Variants in PARD3B observed in about 807,000 individuals in gnomAD.
PARD3B encodes the protein par-3 family cell polarity regulator beta.
In PARD3B, 103 loss-of-function variants were observed where a neutral mutation model predicts 130.2. That is an observed-to-expected ratio of 0.79 (90% CI 0.67 to 0.93). The LOEUF (loss-of-function observed/expected upper bound fraction) is 0.93. Ranked by LOEUF, PARD3B falls within the 40% of genes least tolerant of loss-of-function variation. The probability of loss-of-function intolerance (pLI) is 0.00; values close to 1 mark genes in which losing one functional copy is unlikely to be tolerated. For synonymous variants in PARD3B, 583 were observed against 553.2 expected (o/e 1.05, Z -0.76); for missense variants, 1,609 against 1,499.2 (o/e 1.07, Z -1.21).
At chr2:205,062,160 T>G (rs1700100180) in intron 4 of PARD3B, among the ~76,000 whole-genome samples, 1 of 152,088 alleles carries the variant, frequency 6.6e-6, no homozygotes, top group Non-Finnish European at 1.5e-5. Flanking sequence ...TTTCTATCCC[T>G]TTTCTGAAAC....
At chr2:204,966,658 T>G (rs1411386973) in intron 3 of PARD3B, among the ~76,000 whole-genome samples, 3 of 152,222 alleles carry the variant, frequency 2.0e-5, no homozygotes, top group African/African-American at 7.2e-5. Context: ...CTCTCTCTTA[T>G]GAGCTTTGTC....
chr2:205,404,288 A>C (rs1316561240), intron 19 of PARD3B, among the ~76,000 whole-genome samples: 2 of 152,232 alleles, frequency 1.3e-5, no homozygotes, highest in Non-Finnish European at 2.9e-5. Flanking sequence ...AAATGAAGTG[A>C]TGTGTAGGCA....
At chr2:204,953,439 A>AT (rs1689971289) in intron 2 of PARD3B, among the ~76,000 whole-genome samples, 1 of 150,458 alleles carries the variant, frequency 6.6e-6, no homozygotes, top group South Asian at 2.1e-4. Flanking sequence ...AGAGAGAGAG[A>AT]GAGAGAGAGA....
chr2:204,996,956 A>G (rs1022225838), intron 3 of PARD3B, among the ~76,000 whole-genome samples: 2 of 151,984 alleles, frequency 1.3e-5, no homozygotes, highest in Admixed American at 6.5e-5. Flanking sequence ...TGGTGCGCGC[A>G]CACACTGGCC....
At chr2:204,684,115 C>T (rs1040608416) in intron 1 of PARD3B, among the ~76,000 whole-genome samples, 1 of 152,090 alleles carries the variant, frequency 6.6e-6, no homozygotes, top group African/African-American at 2.4e-5. Context: ...GTTTTCTTCT[C>T]TCTGTGTTTC....
intron 10 of PARD3B, among the ~76,000 whole-genome samples, chr2:205,145,838 A>AC (rs1405587005): frequency 4.0e-5 from 6 of 151,722 alleles, no homozygotes; most frequent in Non-Finnish European, 8.8e-5. Flanking sequence ...AAAAAAAAAA[A>AC]AACACCTTTT....
intron 2 of PARD3B, among the ~76,000 whole-genome samples, chr2:204,739,104 A>G (rs962818312): frequency 5.3e-5 from 8 of 152,194 alleles, no homozygotes; most frequent in African/African-American, 1.4e-4. Flanking sequence ...TGGCATGTGT[A>G]TGTTAGTTCT....
intron 3 of PARD3B, among the ~76,000 whole-genome samples, chr2:204,966,924 C>T (rs1322364813): frequency 6.6e-6 from 1 of 152,056 alleles, no homozygotes; most frequent in Admixed American, 6.6e-5. Flanking sequence ...TTATTTTTAT[C>T]GTTTAAGAGT....
At chr2:204,620,471 C>CA (rs2034260413) in intron 1 of PARD3B, among the ~76,000 whole-genome samples, 2 of 152,298 alleles carry the variant, frequency 1.3e-5, no homozygotes, top group South Asian at 4.1e-4. Flanking sequence ...AAGTAAGTCG[C>CA]AGCACTGTAC....
At chr2:204,806,108 A>G (rs2042760183) in intron 2 of PARD3B, among the ~76,000 whole-genome samples, 1 of 152,088 alleles carries the variant, frequency 6.6e-6, no homozygotes, top group South Asian at 2.1e-4. Context: ...AGTGCTCATG[A>G]CATTCTTCAA....
Position 205,258,861 on chromosome 2 carries a change from T to C in PARD3B, c.2185+13039T>C, listed in dbSNP as rs75378818. ...TAGATTTATGTTTTATTTTCAGTTT[T>C]AAATTTGGACTACTTTTTAATGACC... On this transcript the variant is annotated intron_variant, in intron 16 of 22. Transcript: ENST00000406610. The surrounding 1 kb of genome is among the most constrained non-coding windows in gnomAD (Gnocchi z 4.9). 2.8e-4 allele frequency among the ~76,000 whole-genome samples: 43 copies of C among 152,344 alleles called. No individual in the cohort carries two copies. In the East Asian group the frequency reaches 7.1e-3, roughly 25 times the overall value.
In PARD3B at chr2:205,325,487, A is replaced by G. The variant is rs933858072; in HGVS notation, c.2630+23786A>G. On this transcript the variant is annotated intron_variant, in intron 18 of 22. Transcript: ENST00000406610. The surrounding 1 kb of genome is among the most constrained non-coding windows in gnomAD (Gnocchi z 4.1). ...GACAACAATTCTCTCCACACTCAGT[A>G]CTGATAAAGATAGTTTACTAATATC... 2.0e-5 allele frequency among the ~76,000 whole-genome samples: 3 copies of G among 151,128 alleles called. No homozygotes were observed. In the Admixed American group the frequency reaches 2.0e-4, roughly 10 times the overall value.
At chr2:204,837,870 A>C (rs1033945944) in intron 2 of PARD3B, among the ~76,000 whole-genome samples, 3 of 152,128 alleles carry the variant, frequency 2.0e-5, no homozygotes, top group Admixed American at 6.5e-5. Flanking sequence ...ATATTTGAAG[A>C]CCACTATTTG....
intron 22 of PARD3B, among the ~76,000 whole-genome samples, chr2:205,606,482 G>A (rs1001093634): frequency 6.6e-6 from 1 of 151,998 alleles, no homozygotes; most frequent in South Asian, 2.1e-4. Context: ...TCAGTAGCTG[G>A]TGCAGAATTC....
At chr2:205,455,346 A>G (rs1157544556) in intron 20 of PARD3B, among the ~76,000 whole-genome samples, 1 of 152,156 alleles carries the variant, frequency 6.6e-6, no homozygotes, top group Non-Finnish European at 1.5e-5. Flanking sequence ...CAGATTACAT[A>G]TATGAGTTCA....
At chr2:204,683,429 A>G (rs926761077) in intron 1 of PARD3B, among the ~76,000 whole-genome samples, 4 of 152,202 alleles carry the variant, frequency 2.6e-5, no homozygotes, top group African/African-American at 9.6e-5. Flanking sequence ...ATGTAAATGA[A>G]ATGCAAAATG....
At chr2:204,715,603 A>T (rs1050959358) in intron 2 of PARD3B, among the ~76,000 whole-genome samples, 5 of 152,036 alleles carry the variant, frequency 3.3e-5, no homozygotes, top group African/African-American at 1.2e-4. Context: ...TATGTGTAAA[A>T]CATATGAGAA....
Position 205,301,048 on chromosome 2 carries a change from C to T in PARD3B, c.2392+312C>T, listed in dbSNP as rs768614972. Among the ~76,000 whole-genome samples, 9 of 152,160 alleles carry T rather than the reference C, an allele frequency of 5.9e-5. No individual in the cohort carries two copies. The highest frequency in any genetic ancestry group is 1.9e-4 in the African/African-American group (8 of 41,424). Reference sequence around the variant, plus strand: ...GTATGCATTTCTTGACATTCTCATTCGAGTCATTAGAGGCAGCATCAATCC... The same window carrying T: ...GTATGCATTTCTTGACATTCTCATTTGAGTCATTAGAGGCAGCATCAATCC... On this transcript the variant is annotated intron_variant, in intron 17 of 22. Transcript: ENST00000406610. The surrounding 1 kb of genome is among the most constrained non-coding windows in gnomAD (Gnocchi z 5.2).
intron 22 of PARD3B, among the ~76,000 whole-genome samples, chr2:205,555,744 C>T (rs1443312511): frequency 6.6e-6 from 1 of 152,188 alleles, no homozygotes; most frequent in Non-Finnish European, 1.5e-5. Context: ...ACCTTTGCAG[C>T]TACCTGGCAA....
Sources: gnomAD v4.1 joint callset for allele counts (sites outside exome capture counted in the v4.1 genomes callset) on GRCh38, gnomAD v4.1.1 for gene constraint, Gnocchi (gnomAD v3.1) non-coding constraint, MANE v1.5 for transcripts, NCBI Gene and HGNC (gene_info 2026-07-23, HGNC 2026-07-21) for gene names.